CTNNA3: variants seen among roughly 807,000 people sequenced by gnomAD.
CTNNA3 encodes the protein catenin alpha 3, also known as catenin alpha-3.
In CTNNA3, 76 loss-of-function variants were observed where a neutral mutation model predicts 95.7. The observed-to-expected ratio is 0.79, with a 90% CI of 0.66 to 0.96. The LOEUF is 0.96. CTNNA3 is among the 40% of genes least tolerant of loss of function. The probability of loss-of-function intolerance (pLI) is 0.00; values close to 1 mark genes in which losing one functional copy is unlikely to be tolerated. For synonymous variants in CTNNA3, 431 were observed against 374.4 expected, an observed-to-expected ratio of 1.15 and a Z score of -1.74; for missense variants, 1,191 against 1,089.8, an observed-to-expected ratio of 1.09 and a Z score of -1.31.
rs571555693 is a variant in CTNNA3, at chr10:66,043,771, C to T, written c.2159+25537G>A. 2.0e-5 allele frequency among the ~76,000 whole-genome samples: 3 copies of T among 152,270 alleles called. No individual in the cohort carries two copies. In the South Asian group the frequency reaches 6.2e-4, roughly 32 times the overall value. ...CAGGTGCCCAGATACTATCCCTGTT[C>T]TTCAGCAGAGGTCAGCCAATACTCA... On this transcript the variant is annotated intron_variant, in intron 15 of 17. Coordinates refer to ENST00000433211, the MANE Select transcript of CTNNA3 (RefSeq NM_013266.4).
At chr10:65,973,731 G>A (rs60188411) in intron 16 of CTNNA3, among the ~76,000 whole-genome samples, 4,621 of 152,140 alleles carry the variant, frequency 0.03, 90 homozygotes, top group Middle Eastern at 0.092. Context: ...ACGACGTGGG[G>A]AGAACAGGAG....
chr10:66,563,105 T>G (rs1842602836), intron 10 of CTNNA3, among the ~76,000 whole-genome samples: 2 of 152,258 alleles, frequency 1.3e-5, no homozygotes, highest in South Asian at 4.1e-4. Flanking sequence ...CTTCCCTTAG[T>G]GTTCTATAGA....
chr10:66,492,040 C>T (rs1022702653), intron 11 of CTNNA3, among the ~76,000 whole-genome samples: 8 of 151,916 alleles, frequency 5.3e-5, no homozygotes, highest in African/African-American at 1.9e-4. Flanking sequence ...TCAGTGGTTC[C>T]CTAGTTGTTT....
At chr10:66,331,637 C>T (rs948015192) in intron 12 of CTNNA3, among the ~76,000 whole-genome samples, 2 of 151,806 alleles carry the variant, frequency 1.3e-5, no homozygotes, top group African/African-American at 4.8e-5. Flanking sequence ...TTTCTGAGGG[C>T]TCTGTTCTGT....
chr10:66,185,206 C>T (rs574344272), intron 13 of CTNNA3, among the ~76,000 whole-genome samples: 7 of 152,072 alleles, frequency 4.6e-5, no homozygotes, highest in East Asian at 1.9e-4. Flanking sequence ...ATAACAATTT[C>T]GGTAAATAAA....
chr10:67,721,196 G>A (rs1461837562), intron 1 of CTNNA3, among the ~76,000 whole-genome samples: 1 of 152,124 alleles, frequency 6.6e-6, no homozygotes, highest in Non-Finnish European at 1.5e-5. Context: ...CAATTTGAAT[G>A]TTGGCCTGTC....
intron 10 of CTNNA3, among the ~76,000 whole-genome samples, chr10:66,604,393 C>T (rs1483358430): frequency 8.5e-5 from 13 of 152,250 alleles, no homozygotes; most frequent in South Asian, 8.3e-4. Context: ...GGTGAATGTC[C>T]GCATGGAGGC....
chr10:67,127,372 G>A (rs1237061273), intron 7 of CTNNA3, among the ~76,000 whole-genome samples: 1 of 152,150 alleles, frequency 6.6e-6, no homozygotes, highest in Non-Finnish European at 1.5e-5. Context: ...GTGCTTCATA[G>A]GAGAAAGACC....
At chr10:66,774,574 C>T (rs1282248785) in intron 8 of CTNNA3, among the ~76,000 whole-genome samples, 1 of 110,956 alleles carries the variant, frequency 9.0e-6, no homozygotes, top group Non-Finnish European at 1.9e-5. Context: ...GATCTCTATT[C>T]CATTTCCAAA....
intron 5 of CTNNA3, among the ~76,000 whole-genome samples, chr10:67,398,194 A>AAAGTAGC (rs1844787784): frequency 6.6e-6 from 1 of 152,228 alleles, no homozygotes; most frequent in Non-Finnish European, 1.5e-5. Context: ...CCAGCCAGTG[A>AAAGTAGC]AAGTAGCCAG....
chr10:67,413,924 T>C (rs1169338977), intron 5 of CTNNA3, among the ~76,000 whole-genome samples: 1 of 152,054 alleles, frequency 6.6e-6, no homozygotes, highest in Non-Finnish European at 1.5e-5. Context: ...CTCTGAGATA[T>C]AGCCAAAGCA....
intron 7 of CTNNA3, among the ~76,000 whole-genome samples, chr10:66,896,384 G>T (rs1845493915): frequency 6.6e-6 from 1 of 152,112 alleles, no homozygotes; most frequent in South Asian, 2.1e-4. Context: ...AGTTTAGGGG[G>T]TGTGGTTAGC....
chr10:66,245,824 G>T (rs896600288), intron 13 of CTNNA3, among the ~76,000 whole-genome samples: 1 of 152,192 alleles, frequency 6.6e-6, no homozygotes, highest in Non-Finnish European at 1.5e-5. Context: ...TCAGGTTCTG[G>T]TCATACTGAC....
At chr10:67,666,063 CT>C (rs1216120639) in intron 1 of CTNNA3, among the ~76,000 whole-genome samples, 2 of 152,130 alleles carry the variant, frequency 1.3e-5, no homozygotes, top group African/African-American at 4.8e-5. Context: ...AAAAGCCATT[CT>C]TTCTTTTCCT....
At chr10:67,442,299 G>A (rs1161903386) in intron 5 of CTNNA3, among the ~76,000 whole-genome samples, 1 of 151,836 alleles carries the variant, frequency 6.6e-6, no homozygotes, top group Non-Finnish European at 1.5e-5. Context: ...AAAAAAGAAA[G>A]AGAAGACCAC....
chr10:67,520,814 A>G (rs1839961807), intron 5 of CTNNA3, among the ~76,000 whole-genome samples: 1 of 152,214 alleles, frequency 6.6e-6, no homozygotes, highest in Admixed American at 6.6e-5. Flanking sequence ...TCTAGACCAT[A>G]TCATGTTGAC....
intron 2 of CTNNA3, among the ~76,000 whole-genome samples, chr10:67,639,776 T>C (rs987207812): frequency 6.6e-6 from 1 of 152,162 alleles, no homozygotes; most frequent in Non-Finnish European, 1.5e-5. Flanking sequence ...TCTCAATAGA[T>C]GCAGAAAAGG....
intron 7 of CTNNA3, among the ~76,000 whole-genome samples, chr10:67,009,181 T>C (rs566907479): frequency 1.9e-4 from 29 of 152,254 alleles, no homozygotes; most frequent in African/African-American, 6.5e-4. Flanking sequence ...ATGTAAGTCT[T>C]TATTTCAGGA....
chr10:66,016,773 GT>G (rs2079104342), intron 15 of CTNNA3, among the ~76,000 whole-genome samples: 1 of 151,910 alleles, frequency 6.6e-6, no homozygotes, highest in East Asian at 1.9e-4. Context: ...AAAATATTAA[GT>G]TTTAAGGTAA....
Sources: gnomAD v4.1 joint callset for allele counts (sites outside exome capture counted in the v4.1 genomes callset) on GRCh38, gnomAD v4.1.1 for gene constraint, MANE v1.5 for transcripts, NCBI Gene and HGNC (gene_info 2026-07-23, HGNC 2026-07-21) for gene names.